TBC1D32: variants seen among roughly 807,000 people sequenced by gnomAD.
TBC1D32 encodes the protein TBC1 domain family member 32.
In TBC1D32, 151 loss-of-function variants were observed where a neutral mutation model predicts 170.3. The observed-to-expected ratio is 0.89, with a 90% CI of 0.78 to 1.01. TBC1D32 has a LOEUF of 1.01. Among genes scored for constraint, TBC1D32 ranks in the 50% least tolerant of loss-of-function variants. The pLI, the probability that TBC1D32 is intolerant of heterozygous loss-of-function variation, is 0.00. For missense variants in TBC1D32, 1,464 were observed against 1,457.1 expected, an observed-to-expected ratio of 1.00 and a Z score of -0.08; for synonymous variants, 498 against 488.0, an observed-to-expected ratio of 1.02 and a Z score of -0.27.
At chr6:121,183,100 T>C (rs1788750177) in intron 22 of TBC1D32, among the ~76,000 whole-genome samples, 1 of 151,958 alleles carries the variant, frequency 6.6e-6, no homozygotes, top group Non-Finnish European at 1.5e-5. Flanking sequence ...ATGTGTCTCT[T>C]AGGACACAGT....
At chr6:121,155,368 G>C (rs919678440) in intron 24 of TBC1D32, among the ~76,000 whole-genome samples, 2 of 152,034 alleles carry the variant, frequency 1.3e-5, no homozygotes, top group African/African-American at 4.8e-5. Flanking sequence ...AAATTTTACT[G>C]AAATCATTTA....
At chr6:121,127,339 T>C (rs1193827826) in intron 25 of TBC1D32, among the ~76,000 whole-genome samples, 1 of 152,180 alleles carries the variant, frequency 6.6e-6, no homozygotes, top group Non-Finnish European at 1.5e-5. Context: ...TTTTCAGCAA[T>C]TGTAGCTGAC....
intron 30 of TBC1D32, among the ~76,000 whole-genome samples, chr6:121,097,503 A>G (rs549511803): frequency 4.5e-4 from 68 of 152,322 alleles, no homozygotes; most frequent in African/African-American, 1.5e-3. Context: ...ATACCATCTC[A>G]TGCCAGTTAG....
At chr6:121,289,890 A>C (rs556714952) in intron 12 of TBC1D32, among the ~76,000 whole-genome samples, 9 of 152,284 alleles carry the variant, frequency 5.9e-5, no homozygotes, top group African/African-American at 2.2e-4. Context: ...CAAAAACAAG[A>C]AATGGGGAAA....
intron 18 of TBC1D32, 24 bp from the exon 19 acceptor site, chr6:121,241,576 C>T (rs754479392): frequency 2.5e-6 from 4 of 1,587,000 alleles, no homozygotes; most frequent in Middle Eastern, 1.7e-4. Flanking sequence ...TAAGGAACAG[C>T]AATGAAAAGC....
At chr6:121,201,561 T>A (rs1043508733) in intron 22 of TBC1D32, among the ~76,000 whole-genome samples, 1 of 151,420 alleles carries the variant, frequency 6.6e-6, no homozygotes, top group South Asian at 2.1e-4. Context: ...CTTAGAGGAA[T>A]CTCTTCGAAA....
intron 20 of TBC1D32, among the ~76,000 whole-genome samples, chr6:121,237,983 T>C (rs991902257): frequency 6.6e-6 from 1 of 152,144 alleles, no homozygotes; most frequent in African/African-American, 2.4e-5. Context: ...AAAATAAATT[T>C]AGCAGTTACA....
intron 2 of TBC1D32, among the ~76,000 whole-genome samples, chr6:121,318,630 G>A (rs898816504): frequency 2.6e-5 from 4 of 151,684 alleles, no homozygotes; most frequent in African/African-American, 7.3e-5. Flanking sequence ...TCATAAATAA[G>A]TTTCAATTTC....
intron 15 of TBC1D32, among the ~76,000 whole-genome samples, chr6:121,275,484 A>G (rs980585006): frequency 1.3e-5 from 2 of 152,200 alleles, no homozygotes; most frequent in African/African-American, 4.8e-5. Context: ...CACAGGAGCA[A>G]TGAGATGCTC....
intron 21 of TBC1D32, among the ~76,000 whole-genome samples, chr6:121,220,925 A>G (rs1171155812): frequency 1.3e-5 from 2 of 152,062 alleles, no homozygotes; most frequent in Non-Finnish European, 2.9e-5. Flanking sequence ...ACAGGCATGA[A>G]CAACGACGCC....
intron 20 of TBC1D32, among the ~76,000 whole-genome samples, chr6:121,236,604 C>G (rs1796358113): frequency 6.6e-6 from 1 of 152,046 alleles, no homozygotes; most frequent in Non-Finnish European, 1.5e-5. Context: ...ATTTCTAGGT[C>G]TTTCTGTATA....
chr6:121,110,966 G>A (rs543004406), intron 29 of TBC1D32, among the ~76,000 whole-genome samples: 39 of 152,034 alleles, frequency 2.6e-4, no homozygotes, highest in Admixed American at 2.4e-3. Flanking sequence ...ATGATGCTAT[G>A]GAAGGCACTG....
chr6:121,286,760 G>A (rs1358899300), intron 12 of TBC1D32, among the ~76,000 whole-genome samples: 6 of 152,134 alleles, frequency 3.9e-5, no homozygotes, highest in African/African-American at 1.2e-4. Context: ...GAGAAAGGTC[G>A]GGTTACGCAC....
At chr6:121,178,794 G>A (rs1788123569) in intron 22 of TBC1D32, among the ~76,000 whole-genome samples, 1 of 152,192 alleles carries the variant, frequency 6.6e-6, no homozygotes, top group Non-Finnish European at 1.5e-5. Context: ...TCAATAGACA[G>A]CTGTAAGAAA....
At chr6:121,251,923 C>A (rs1279705007) in intron 17 of TBC1D32, among the ~76,000 whole-genome samples, 1 of 151,544 alleles carries the variant, frequency 6.6e-6, no homozygotes, top group Non-Finnish European at 1.5e-5. Flanking sequence ...AAGAAGACAG[C>A]CAACAAACAT....
chr6:121,223,552 A>G (rs1466342044), intron 20 of TBC1D32, among the ~76,000 whole-genome samples, 200 bp from the exon 21 acceptor site: 1 of 152,214 alleles, frequency 6.6e-6, no homozygotes, highest in African/African-American at 2.4e-5. Flanking sequence ...CTGACAATGC[A>G]TGATGTAACA....
chr6:121,161,320 T>C (rs559980710), intron 22 of TBC1D32, among the ~76,000 whole-genome samples: 1 of 152,260 alleles, frequency 6.6e-6, no homozygotes, highest in South Asian at 2.1e-4. Context: ...CCAGCATCCA[T>C]GAGCTATTCT....
At position 121,308,090 on chromosome 6, in the gene TBC1D32, TTCATATC is replaced by T; in HGVS notation, c.569_575del (p.Arg190LysfsTer27). 6.2e-7 allele frequency: 1 copy of T among 1,611,050 alleles called. No individual in the cohort carries two copies. The highest frequency in any genetic ancestry group is 8.5e-7 in the Non-Finnish European group (1 of 1,179,274). The stretch of plus-strand genomic sequence containing the variant: ...GAGCTGAACATAATGTTTGCAAGGC[TTCATATC>T]TCACCTACAATTTTTTTAAAAGACT... On this transcript the variant is annotated frameshift_variant, in exon 5 of 32. Coordinates refer to ENST00000398212, the MANE Select transcript of TBC1D32 (RefSeq NM_152730.6). LOFTEE classifies it high-confidence loss of function.
intron 24 of TBC1D32, among the ~76,000 whole-genome samples, 200 bp downstream of exon 24, chr6:121,159,810 A>G (rs1785383834): frequency 6.6e-6 from 1 of 152,216 alleles, no homozygotes; most frequent in Non-Finnish European, 1.5e-5. Flanking sequence ...GTCCATCATT[A>G]ACCAAAATGT....
Sources: gnomAD v4.1 joint callset for allele counts (sites outside exome capture counted in the v4.1 genomes callset) on GRCh38, gnomAD v4.1.1 for gene constraint, MANE v1.5 for transcripts, NCBI Gene and HGNC (gene_info 2026-07-23, HGNC 2026-07-21) for gene names.